The following RXRA variants were observed in gnomAD, a reference collection of about 807,000 sequenced individuals.
RXRA encodes retinoid X receptor alpha.
In RXRA, 5 loss-of-function variants were observed where a neutral mutation model predicts 44.5. The ratio of observed to expected loss-of-function variants is 0.11; its 90% CI spans 0.06 to 0.24. The LOEUF (loss-of-function observed/expected upper bound fraction) is 0.24. Ranked by LOEUF, RXRA falls within the 10% of genes least tolerant of loss-of-function variation. RXRA has a pLI of 1.00. For synonymous variants in RXRA, 291 were observed against 271.4 expected, an observed-to-expected ratio of 1.07 and a Z score of -0.71; for missense variants, 412 against 646.5, an observed-to-expected ratio of 0.64 and a Z score of 3.93.
intron 1 of RXRA, among the ~76,000 whole-genome samples, chr9:134,336,996 G>A (rs1830017221): frequency 6.6e-6 from 1 of 152,156 alleles, no homozygotes; most frequent in African/African-American, 2.4e-5. Flanking sequence ...TGGAATCCCT[G>A]GGGGCCCTGG....
In RXRA at chr9:134,367,328, G is replaced by T. The variant is rs191203708; in HGVS notation, c.29-34304G>T. 9.0e-3 allele frequency among the ~76,000 whole-genome samples: 1,371 copies of T among 152,232 alleles called. 9 individuals are homozygous for T. Among genetic ancestry groups the T allele is most frequent in the Non-Finnish European group, 0.015 (1,013 of 68,004 alleles). On this transcript the variant is annotated intron_variant, in intron 1 of 9. Coordinates refer to ENST00000481739, the MANE Select transcript of RXRA (RefSeq NM_002957.6). ...GCTGGGCAGGGACTGAGTCTGCGGT[G>T]GGGGGGAGGGTGGTGACCCTGTCCG... is the stretch of plus-strand genomic sequence containing the variant.
chr9:134,350,550 C>T (rs1830208784), intron 1 of RXRA, among the ~76,000 whole-genome samples: 1 of 152,230 alleles, frequency 6.6e-6, no homozygotes, highest in South Asian at 2.1e-4. Context: ...CAGCAGGCCC[C>T]AGACGATGCC....
chr9:134,401,603 C>T (rs1369151332), intron 1 of RXRA, 29 bp from the exon 2 acceptor site: 1 of 1,612,108 alleles, frequency 6.2e-7, no homozygotes, highest in Non-Finnish European at 8.5e-7. Context: ...CCTGCACTGA[C>T]CACTCTCCTG....
At chr9:134,398,875 C>T (rs1830919166) in intron 1 of RXRA, among the ~76,000 whole-genome samples, 1 of 152,266 alleles carries the variant, frequency 6.6e-6, no homozygotes, top group African/African-American at 2.4e-5. Context: ...GGTTTGGGCT[C>T]CCTGCATGGC....
In RXRA at chr9:134,334,414, T is replaced by C. The variant is rs1554747048; in HGVS notation, c.28+7755T>C. Among the ~76,000 whole-genome samples, 4 of 152,278 alleles carry C rather than the reference T, an allele frequency of 2.6e-5. No individual in the cohort carries two copies. The South Asian group carries it at 8.3e-4, about 31-fold the overall frequency. On this transcript the variant is annotated intron_variant, in intron 1 of 9. Coordinates refer to ENST00000481739, the MANE Select transcript of RXRA (RefSeq NM_002957.6). ...AGGCCGCATCCAGCTCCTGGTTTCCTGTCAACCCAGGCCTGGTGTGCAGAG... is the reference window on the plus strand; with the variant it reads ...AGGCCGCATCCAGCTCCTGGTTTCCCGTCAACCCAGGCCTGGTGTGCAGAG...
chr9:134,425,224 G>C (rs1338466720), intron 6 of RXRA: 1 of 985,292 alleles, frequency 1.0e-6, no homozygotes, highest in Non-Finnish European at 1.2e-6. Flanking sequence ...TGTCACACGT[G>C]TCTGCTCCTG....
rs891510451 is a variant in RXRA, at chr9:134,435,575, C to T, written c.1242-892C>T. ...GGGCCCACAGCCCTGCACAAGGTGC[C>T]GTGGGAGGCACTCATGGGGTGCTGA... On this transcript the variant is annotated intron_variant, in intron 9 of 9. Coordinates refer to ENST00000481739, the MANE Select transcript of RXRA (RefSeq NM_002957.6). Among the ~76,000 whole-genome samples, 7 of 152,256 alleles carry T rather than the reference C, an allele frequency of 4.6e-5. No individual in the cohort carries two copies. The East Asian group carries it at 9.7e-4, about 21-fold the overall frequency.
intron 1 of RXRA, among the ~76,000 whole-genome samples, chr9:134,392,370 C>T (rs995810661): frequency 3.3e-5 from 5 of 151,962 alleles, no homozygotes; most frequent in Non-Finnish European, 5.9e-5. Context: ...CCGAGTGTCT[C>T]CGGCCTTGTG....
At chr9:134,384,412 C>G (rs1830689746) in intron 1 of RXRA, among the ~76,000 whole-genome samples, 2 of 152,248 alleles carry the variant, frequency 1.3e-5, no homozygotes, top group African/African-American at 4.8e-5. Context: ...TCGCCAGCGA[C>G]TGAGGATGGA....
chr9:134,434,751 G>T (rs1421637329), intron 9 of RXRA, among the ~76,000 whole-genome samples: 1 of 152,162 alleles, frequency 6.6e-6, no homozygotes, highest in African/African-American at 2.4e-5. Flanking sequence ...AGGTGTCCAG[G>T]AAGAGAAACG....
intron 4 of RXRA, among the ~76,000 whole-genome samples, chr9:134,414,585 C>G (rs1220411307): frequency 6.6e-6 from 1 of 152,246 alleles, no homozygotes; most frequent in Admixed American, 6.5e-5. Flanking sequence ...CTGGGGTTGT[C>G]GGATCCCAGG....
At chr9:134,395,384 C>T (rs1830862589) in intron 1 of RXRA, among the ~76,000 whole-genome samples, 1 of 152,254 alleles carries the variant, frequency 6.6e-6, no homozygotes, top group Non-Finnish European at 1.5e-5. Flanking sequence ...GCCCGTCTCA[C>T]TGGGCCCTTG....
rs76801820 is a variant in RXRA at position 134,364,554 on chromosome 9, G to A, written c.29-37078G>A. Among the ~76,000 whole-genome samples, 705 of 152,348 alleles carry A rather than the reference G, an allele frequency of 4.6e-3. 5 individuals are homozygous for A. The highest frequency in any genetic ancestry group is 0.024 in the Middle Eastern group (7 of 294). ...GGGAAACTGAGGCCCAGACAGGCCG[G>A]GGCATGGTTCTGGTGGGGCCTCACC... On this transcript the variant is annotated intron_variant, in intron 1 of 9. Transcript: ENST00000481739.
In RXRA at chr9:134,328,684, C is replaced by T. The variant is rs534077720; in HGVS notation, c.28+2025C>T. On this transcript the variant is annotated intron_variant, in intron 1 of 9. Coordinates refer to ENST00000481739, the MANE Select transcript of RXRA (RefSeq NM_002957.6). ...TTCTAAGCCCTTTTGTCAACACAGC[C>T]TAATCCCTCCTCGGGGTGAGTGGTG... is the stretch of plus-strand genomic sequence containing the variant. Among the ~76,000 whole-genome samples, 7 of 152,368 alleles carry T rather than the reference C, an allele frequency of 4.6e-5. No homozygotes were observed. The East Asian group carries it at 1.3e-3, about 29-fold the overall frequency.
intron 4 of RXRA, among the ~76,000 whole-genome samples, chr9:134,413,918 T>C (rs3118534): frequency 0.77 from 117,229 of 152,068 alleles, 45,609 homozygotes; most frequent in African/African-American, 0.88. Flanking sequence ...CCTCTGCCTC[T>C]GAGCAGCCTC....
At chr9:134,428,199 C>T (rs1436897381) in intron 6 of RXRA, among the ~76,000 whole-genome samples, 1 of 150,842 alleles carries the variant, frequency 6.6e-6, no homozygotes, top group Non-Finnish European at 1.5e-5. Context: ...TGAGAGGCTG[C>T]TGTTACCTAA....
At chr9:134,385,302 C>T (rs2119110169) in intron 1 of RXRA, among the ~76,000 whole-genome samples, 1 of 152,326 alleles carries the variant, frequency 6.6e-6, no homozygotes, top group East Asian at 1.9e-4. Context: ...GCATTCTGTG[C>T]CTTGGAAGAA....
chr9:134,379,811 C>G (rs1351423206), intron 1 of RXRA: 1 of 985,230 alleles, frequency 1.0e-6, no homozygotes, highest in Non-Finnish European at 1.2e-6. Context: ...TCAGTCTTCC[C>G]CAGCTCCAAC....
rs1588299541 is a variant in RXRA at position 134,417,153 on chromosome 9, T to A, written c.611-5T>A. 6.2e-7 allele frequency: 1 copy of A among 1,609,366 alleles called. No homozygotes were observed. Among genetic ancestry groups the A allele is most frequent in the Non-Finnish European group, 8.5e-7 (1 of 1,179,166 alleles). ...TGGGGCTCACCTGCGCCTCCCGGGTTGTAGCCGTGCAGGAGGAGCGGCAGC... is the reference window on the plus strand; with the variant it reads ...TGGGGCTCACCTGCGCCTCCCGGGTAGTAGCCGTGCAGGAGGAGCGGCAGC... On this transcript the variant is annotated splice_region_variant and splice_polypyrimidine_tract_variant and intron_variant, in intron 4 of 9. Coordinates refer to ENST00000481739, the MANE Select transcript of RXRA (RefSeq NM_002957.6). The surrounding 1 kb of genome is among the most constrained non-coding windows in gnomAD (Gnocchi z 6.1).
Sources: gnomAD v4.1 joint callset for allele counts (sites outside exome capture counted in the v4.1 genomes callset) on GRCh38, gnomAD v4.1.1 for gene constraint, Gnocchi (gnomAD v3.1) non-coding constraint, MANE v1.5 for transcripts, NCBI Gene and HGNC (gene_info 2026-07-23, HGNC 2026-07-21) for gene names.